The following ASAP1 variants were observed in gnomAD, a reference collection of about 807,000 sequenced individuals.
ASAP1 encodes ArfGAP with SH3 domain, ankyrin repeat and PH domain 1.
A neutral mutation model predicts 145.2 loss-of-function variants in ASAP1; 43 were observed. That is an observed-to-expected ratio of 0.30 (90% CI 0.23 to 0.38). The LOEUF (loss-of-function observed/expected upper bound fraction) is 0.38, where lower values mean the gene tolerates loss of function less well. Among genes scored for constraint, ASAP1 ranks in the 10% least tolerant of loss-of-function variants. The pLI is 1.00. For missense variants in ASAP1, 1,018 were observed against 1,355.3 expected (o/e 0.75, Z 3.91); for synonymous variants, 546 against 515.5 (o/e 1.06, Z -0.80).
At chr8:130,281,948 C>A (rs1468630574) in intron 3 of ASAP1, among the ~76,000 whole-genome samples, 1 of 151,974 alleles carries the variant, frequency 6.6e-6, no homozygotes, top group South Asian at 2.1e-4. Context: ...TGCCTGTAAT[C>A]CCAGCTACTC....
chr8:130,386,499 G>A (rs1234681537), intron 2 of ASAP1, among the ~76,000 whole-genome samples: 1 of 152,220 alleles, frequency 6.6e-6, no homozygotes, highest in East Asian at 1.9e-4. Context: ...AGCCCACAGG[G>A]CTGTCGACAC....
chr8:130,351,526 G>T (rs541282262), intron 3 of ASAP1, among the ~76,000 whole-genome samples: 1 of 152,150 alleles, frequency 6.6e-6, no homozygotes, highest in Non-Finnish European at 1.5e-5. Context: ...AAATTCTGCA[G>T]GCTGTACAAG....
At chr8:130,420,068 G>A (rs1829654221) in intron 1 of ASAP1, among the ~76,000 whole-genome samples, 2 of 151,902 alleles carry the variant, frequency 1.3e-5, no homozygotes, top group Non-Finnish European at 2.9e-5. Context: ...TGAGATTACA[G>A]GTGTGAGCCA....
rs756393405 is a variant in ASAP1 at position 130,060,627 on chromosome 8, C to T, written c.3144G>A (p.Thr1048=). The change falls in exon 28 of 30, where the codon ACG becomes ACA. Residue 1048 remains threonine (T), a synonymous_variant. Transcript: ENST00000518721. ...GTACGGGCGTCTCTGGCAGAGTAGGCGTGAGGTCGTTGGAGTCTTCAGATG... is the reference window on the plus strand; with the variant it reads ...GTACGGGCGTCTCTGGCAGAGTAGGTGTGAGGTCGTTGGAGTCTTCAGATG... ...KQASEDSNDL[T]PTLPETPVPL... The T allele has an allele frequency of 1.4e-5, 22 of 1,613,866 alleles. No homozygotes were observed. Among genetic ancestry groups the T allele is most frequent in the Admixed American group, 3.3e-5 (2 of 59,986 alleles).
intron 5 of ASAP1, among the ~76,000 whole-genome samples, chr8:130,211,672 T>G (rs1816591938): frequency 6.6e-6 from 1 of 152,246 alleles, no homozygotes; most frequent in Non-Finnish European, 1.5e-5. Context: ...AAGTAATGAT[T>G]TAGTATAAAC....
rs796416744 is a variant in ASAP1 at position 130,262,457 on chromosome 8, A to AGAGGGT, written c.187-25464_187-25463insACCCTC. Among the ~76,000 whole-genome samples the AGAGGGT allele has an allele frequency of 1.4e-3, 175 of 127,810 alleles. 5 individuals carry two copies. The highest frequency in any genetic ancestry group is 4.4e-3 in the Middle Eastern group (1 of 228). 83.8% of individuals were successfully genotyped at this position (127,810 alleles called of 152,430 possible). A position where few individuals can be genotyped will look rare whatever the true frequency, so the allele number is the denominator to read the frequency against. ...GAGAGAGAGAGAGAGAGAGAGAGAGAACCTGTGGAATTTCAGATAGGTTAG... is the reference window on the plus strand; with the variant it reads ...GAGAGAGAGAGAGAGAGAGAGAGAGAGAGGGTACCTGTGGAATTTCAGATAGGTTAG... On this transcript the variant is annotated intron_variant, in intron 3 of 29. Transcript: ENST00000518721.
intron 2 of ASAP1, among the ~76,000 whole-genome samples, chr8:130,395,073 G>C (rs955631336): frequency 6.6e-6 from 1 of 152,128 alleles, no homozygotes; most frequent in African/African-American, 2.4e-5. Context: ...CCATCAACCA[G>C]GGACCACACA....
At chr8:130,332,088 T>C (rs1824728105) in intron 3 of ASAP1, among the ~76,000 whole-genome samples, 1 of 152,206 alleles carries the variant, frequency 6.6e-6, no homozygotes, top group East Asian at 1.9e-4. Context: ...CTTGGAGGCC[T>C]GTTAACTTGG....
At chr8:130,289,785 G>A (rs1821840470) in intron 3 of ASAP1, among the ~76,000 whole-genome samples, 2 of 152,182 alleles carry the variant, frequency 1.3e-5, no homozygotes, top group Non-Finnish European at 2.9e-5. Flanking sequence ...GTAGATTTCA[G>A]AAAGAAATTA....
At chr8:130,238,462 C>G (rs973869398) in intron 3 of ASAP1, among the ~76,000 whole-genome samples, 2 of 152,084 alleles carry the variant, frequency 1.3e-5, no homozygotes, top group African/African-American at 4.8e-5. Flanking sequence ...TCTGAGTACA[C>G]GAGACAACAA....
intron 3 of ASAP1, among the ~76,000 whole-genome samples, chr8:130,352,433 T>C (rs1195738571): frequency 6.6e-6 from 1 of 151,932 alleles, no homozygotes; most frequent in East Asian, 1.9e-4. Context: ...TCACAGAAAA[T>C]CACTTAAGGA....
At chr8:130,412,897 G>A (rs1829326989) in intron 1 of ASAP1, among the ~76,000 whole-genome samples, 1 of 152,106 alleles carries the variant, frequency 6.6e-6, no homozygotes, top group Admixed American at 6.5e-5. Context: ...ACCCACCTCG[G>A]CCTCCCAAAG....
At chr8:130,072,825 G>GTGTGTGTGTGTGTGTGTGTGTGTGCA in intron 27 of ASAP1, among the ~76,000 whole-genome samples, 6 of 54,096 alleles carry the variant, frequency 1.1e-4, no homozygotes, top group Non-Finnish European at 1.5e-4. Context: ...GTGTGTGTGT[G>GTGTGTGTGTGTGTGTGTGTGTGTGCA]CGCGCGGGGG....
intron 9 of ASAP1, among the ~76,000 whole-genome samples, chr8:130,172,628 G>A (rs978021679): frequency 1.3e-5 from 2 of 152,184 alleles, no homozygotes; most frequent in Non-Finnish European, 2.9e-5. Context: ...TGGTAGCCAC[G>A]TGTGGCCAAT....
At position 130,128,014 on chromosome 8, in the gene ASAP1, T is replaced by A; in HGVS notation, c.1294A>T (p.Asn432Tyr). 1 of 1,614,084 alleles carries A rather than the reference T, an allele frequency of 6.2e-7. No individual in the cohort carries two copies. The highest frequency in any genetic ancestry group is 1.3e-5 in the African/African-American group (1 of 75,014). ...GCTTTTGTCAGGTCTTCCAGGCTGT[T>A]CTCTCCCGCACTCTGCTCTCCACGG... ...AFRGEQSAGE[N>Y]SLEDLTKAII... The change falls in exon 16 of 30, where the codon AAC (asparagine) becomes TAC (tyrosine). Residue 432 changes from asparagine (N) to tyrosine (Y), a missense_variant. Coordinates refer to ENST00000518721, the MANE Select transcript of ASAP1 (RefSeq NM_018482.4).
intron 1 of ASAP1, among the ~76,000 whole-genome samples, chr8:130,417,757 C>T (rs1198564864): frequency 6.6e-6 from 1 of 152,120 alleles, no homozygotes; most frequent in Non-Finnish European, 1.5e-5. Flanking sequence ...TCTGTTGGCT[C>T]TGTATTTCTG....
chr8:130,425,725 C>T (rs961359345), intron 1 of ASAP1, among the ~76,000 whole-genome samples: 4 of 152,176 alleles, frequency 2.6e-5, no homozygotes, highest in African/African-American at 9.7e-5. Context: ...AAAATGCCTA[C>T]AAGTTATGTC....
intron 3 of ASAP1, among the ~76,000 whole-genome samples, chr8:130,265,771 G>C (rs1565152138): frequency 6.6e-6 from 1 of 152,062 alleles, no homozygotes; most frequent in Non-Finnish European, 1.5e-5. Context: ...CAAGTACTTA[G>C]GAGACTGAGG....
chr8:130,273,723 G>A (rs56386549), intron 3 of ASAP1, among the ~76,000 whole-genome samples: 1 of 152,188 alleles, frequency 6.6e-6, no homozygotes, highest in Admixed American at 6.5e-5. Context: ...ACTTCGAGGA[G>A]AACAAAGTAG....
Sources: gnomAD v4.1 joint callset for allele counts (sites outside exome capture counted in the v4.1 genomes callset) on GRCh38, gnomAD v4.1.1 for gene constraint, MANE v1.5 for transcripts, NCBI Gene and HGNC (gene_info 2026-07-23, HGNC 2026-07-21) for gene names.